Variants in ANO1 observed in about 807,000 individuals in gnomAD.
The protein encoded by ANO1 is anoctamin-1.
In ANO1, 59 loss-of-function variants were observed where a neutral mutation model predicts 124.0. The observed-to-expected ratio is 0.48, with a 90% CI of 0.39 to 0.59. ANO1 has a LOEUF of 0.59. Ranked by LOEUF, ANO1 falls within the 20% of genes least tolerant of loss-of-function variation. ANO1 has a pLI of 0.00. For synonymous variants in ANO1, 529 were observed against 532.0 expected, an observed-to-expected ratio of 0.99 and a Z score of 0.08; for missense variants, 1,059 against 1,328.0, an observed-to-expected ratio of 0.80 and a Z score of 3.15.
chr11:70,085,399 C>T lies in ANO1; in HGVS notation c.109-2353C>T. On this transcript the variant is annotated intron_variant, in intron 1 of 25. Coordinates refer to ENST00000355303, the MANE Select transcript of ANO1 (RefSeq NM_018043.7). ...CACCCTCAGACTTTGTCACAGAGGG[C>T]AAGGTGGGCGGGGCACGCACACTGA... The T allele has an allele frequency of 8.0e-6, 12 of 1,505,792 alleles. 1 individual carries two copies. In the South Asian group the frequency reaches 1.5e-4, roughly 19 times the overall value. 93.3% of individuals were successfully genotyped at this position (1,505,792 alleles called of 1,614,324 possible).
At chr11:70,103,019 G>C in intron 2 of ANO1, 47 bp from the exon 3 acceptor site, 1 of 1,336,546 alleles carries the variant, frequency 7.5e-7, no homozygotes, top group African/African-American at 2.0e-5. Context: ...GTTTTCCACA[G>C]AGATGCACCG....
intron 6 of ANO1, among the ~76,000 whole-genome samples, chr11:70,110,683 G>T (rs1224031106): frequency 6.6e-6 from 1 of 152,096 alleles, no homozygotes; most frequent in Non-Finnish European, 1.5e-5. Flanking sequence ...AGGGTGGTCC[G>T]CCCAGGCTGC....
At chr11:70,175,156 G>T (rs1377560972) in intron 22 of ANO1, among the ~76,000 whole-genome samples, 3 of 152,224 alleles carry the variant, frequency 2.0e-5, no homozygotes, top group Non-Finnish European at 4.4e-5. Context: ...AGTGGCCCTG[G>T]CTTCCCGCAG....
At chr11:70,110,926 A>G (rs2045752272) in intron 6 of ANO1, among the ~76,000 whole-genome samples, 2 of 152,270 alleles carry the variant, frequency 1.3e-5, no homozygotes, top group South Asian at 4.1e-4. Context: ...TAGGACACAC[A>G]GGCATGGTGT....
chr11:70,156,148 G>A (rs191421581), intron 15 of ANO1, among the ~76,000 whole-genome samples, 160 bp downstream of exon 15: 77 of 151,730 alleles, frequency 5.1e-4, no homozygotes, highest in African/African-American at 1.7e-3. Context: ...AGCATGTTGC[G>A]ATGGCACTGC....
At chr11:70,090,243 G>A (rs898023114) in intron 2 of ANO1, among the ~76,000 whole-genome samples, 4 of 152,180 alleles carry the variant, frequency 2.6e-5, no homozygotes, top group East Asian at 1.9e-4. Flanking sequence ...TCCTGATCTC[G>A]TGGTCCGCCC....
intron 1 of ANO1, among the ~76,000 whole-genome samples, chr11:70,080,855 A>G (rs1442166979): frequency 6.6e-6 from 1 of 152,172 alleles, no homozygotes; most frequent in Non-Finnish European, 1.5e-5. Flanking sequence ...GGCTGCAGCC[A>G]TGGAGCAGGG....
chr11:70,109,252 C>T (rs1278419307), intron 6 of ANO1, among the ~76,000 whole-genome samples: 5 of 152,164 alleles, frequency 3.3e-5, no homozygotes, highest in East Asian at 1.9e-4. Flanking sequence ...CTTGGCTTCC[C>T]GTGGTGGCAG....
chr11:70,079,435 G>A (rs536086138), intron 1 of ANO1, among the ~76,000 whole-genome samples: 8 of 152,104 alleles, frequency 5.3e-5, no homozygotes, highest in Middle Eastern at 3.2e-3. Context: ...CCATCCTGAG[G>A]TCCCCAATAT....
chr11:70,032,426 G>T (rs1857017927), intron 1 of ANO1, among the ~76,000 whole-genome samples: 1 of 152,160 alleles, frequency 6.6e-6, no homozygotes, highest in Non-Finnish European at 1.5e-5. Flanking sequence ...TTTTCAAGTA[G>T]CTGAAGAAGC....
chr11:70,118,756 G>T (rs2046104326), intron 8 of ANO1, among the ~76,000 whole-genome samples: 2 of 151,254 alleles, frequency 1.3e-5, no homozygotes. Context: ...TGGACAGATG[G>T]ATGGTTGATG....
chr11:69,967,666 C>A, the ANO1 span, among the ~76,000 whole-genome samples: 5 of 152,224 alleles, frequency 3.3e-5, no homozygotes, highest in African/African-American at 1.2e-4. Context: ...GCTGTCACGG[C>A]CCCCGTTTAC....
At chr11:70,029,522 C>T (rs1856965040) in intron 1 of ANO1, among the ~76,000 whole-genome samples, 1 of 152,228 alleles carries the variant, frequency 6.6e-6, no homozygotes, top group Admixed American at 6.5e-5. Context: ...TCCTTTCTCC[C>T]AGCAAACTTT....
intron 21 of ANO1, among the ~76,000 whole-genome samples, 189 bp downstream of exon 21, chr11:70,167,576 G>A (rs915900750): frequency 3.9e-5 from 6 of 152,244 alleles, no homozygotes; most frequent in South Asian, 2.1e-4. Context: ...CCCTTGGGTC[G>A]GTGAGCATGG....
intron 1 of ANO1, among the ~76,000 whole-genome samples, chr11:70,029,845 C>T (rs1591045098): frequency 1.3e-5 from 2 of 152,314 alleles, no homozygotes; most frequent in Admixed American, 1.3e-4. Context: ...TGCATCACTC[C>T]AGCCTCTTCC....
At chr11:70,083,817 G>C (rs1276843239) in intron 1 of ANO1, among the ~76,000 whole-genome samples, 1 of 152,144 alleles carries the variant, frequency 6.6e-6, no homozygotes, top group East Asian at 1.9e-4. Flanking sequence ...CAGGCCTCCG[G>C]GGTCCTGCCA....
chr11:69,981,728 C>T (rs1855961524), upstream of ANO1, among the ~76,000 whole-genome samples: 1 of 152,272 alleles, frequency 6.6e-6, no homozygotes, highest in African/African-American at 2.4e-5. Context: ...ACCCCAGCCC[C>T]TGCAGGCGCC....
At chr11:70,151,420 G>A (rs527450915) in intron 12 of ANO1, among the ~76,000 whole-genome samples, 1 of 152,154 alleles carries the variant, frequency 6.6e-6, no homozygotes, top group Non-Finnish European at 1.5e-5. Context: ...CTCTCTGGGT[G>A]GTCTCTTCCC....
chr11:70,090,678 AT>A (rs2044592178), intron 2 of ANO1, among the ~76,000 whole-genome samples: 2 of 152,260 alleles, frequency 1.3e-5, no homozygotes, highest in East Asian at 3.9e-4. Flanking sequence ...CTTTTTAAAT[AT>A]TTTATATTCT....
Sources: allele counts gnomAD v4.1 joint callset (sites outside exome capture counted in the v4.1 genomes callset), GRCh38; gene constraint gnomAD v4.1.1; transcripts MANE v1.5; gene names NCBI Gene and HGNC (gene_info 2026-07-23, HGNC 2026-07-21).